DCDC1: variants seen among roughly 807,000 people sequenced by gnomAD.
DCDC1 encodes doublecortin domain containing 1, also known as doublecortin domain-containing protein 1.
DCDC1 carries 200 observed loss-of-function variants against 178.3 expected under a neutral mutation model. That is an observed-to-expected ratio of 1.12 (90% CI 1.00 to 1.26). DCDC1 has a LOEUF of 1.26. DCDC1 is among the 50% of genes most tolerant of loss of function. The pLI is 0.00. For synonymous variants in DCDC1, 690 were observed against 604.8 expected (o/e 1.14, Z -2.07); for missense variants, 1,983 against 1,749.2 (o/e 1.13, Z -2.38).
Position 30,952,496 on chromosome 11 carries a change from C to A in DCDC1, c.2664G>T (p.Trp888Cys). 6.3e-7 allele frequency: 1 copy of A among 1,586,604 alleles called. No homozygotes were observed. The highest frequency in any genetic ancestry group is 8.5e-7 in the Non-Finnish European group (1 of 1,171,094). ...CAGGCCACATGTAGGTAAGCTTGTT[C>A]CATAGAGGATTTTCAACTCTAGAAT... ...WKHSRVENPLWNKLTYMWPVL... is the reference protein window; with the variant it reads ...WKHSRVENPLCNKLTYMWPVL... The change falls in exon 21 of 39, where the codon TGG becomes TGT. Residue 888 changes from tryptophan (W) to cysteine (C), a missense_variant. Physicochemically the swap from Trp to Cys is radical, Grantham distance 215 (BLOSUM62 -2). Coordinates refer to ENST00000684477, the MANE Select transcript of DCDC1 (RefSeq NM_001387274.1).
At chr11:31,026,642 G>A (rs555398159) in intron 20 of DCDC1, among the ~76,000 whole-genome samples, 6 of 151,762 alleles carry the variant, frequency 4.0e-5, no homozygotes, top group East Asian at 1.9e-4. Flanking sequence ...TGGCTGTCTC[G>A]TCATAACTAC....
intron 17 of DCDC1, among the ~76,000 whole-genome samples, chr11:31,086,926 A>C (rs1272451934): frequency 6.6e-6 from 1 of 152,034 alleles, no homozygotes; most frequent in Non-Finnish European, 1.5e-5. Flanking sequence ...ATTCCTTCTT[A>C]TTTCTTTTCT....
At chr11:31,251,946 G>A (rs1335301907) in intron 8 of DCDC1, among the ~76,000 whole-genome samples, 1 of 152,042 alleles carries the variant, frequency 6.6e-6, no homozygotes, top group Non-Finnish European at 1.5e-5. Flanking sequence ...TGGGAATGAA[G>A]AAACCAAATC....
At chr11:31,220,724 C>T (rs1974170260) in intron 9 of DCDC1, among the ~76,000 whole-genome samples, 1 of 152,202 alleles carries the variant, frequency 6.6e-6, no homozygotes, top group Non-Finnish European at 1.5e-5. Flanking sequence ...CAAGAAGACT[C>T]TATTAGTCAG....
intron 2 of DCDC1, among the ~76,000 whole-genome samples, chr11:31,329,505 G>A (rs1331995021): frequency 6.6e-6 from 1 of 151,988 alleles, no homozygotes; most frequent in Non-Finnish European, 1.5e-5. Flanking sequence ...CCATTAACTT[G>A]TCATTTACAT....
At chr11:31,158,319 A>G (rs576666318) in intron 9 of DCDC1, among the ~76,000 whole-genome samples, 134 of 151,148 alleles carry the variant, frequency 8.9e-4, no homozygotes, top group African/African-American at 3.1e-3. Flanking sequence ...GGGTTTCACC[A>G]TGTTAGCCAG....
chr11:30,965,707 T>C (rs1441151751), intron 20 of DCDC1, among the ~76,000 whole-genome samples: 1 of 144,170 alleles, frequency 6.9e-6, no homozygotes, highest in Non-Finnish European at 1.5e-5. Flanking sequence ...GCCACTAACG[T>C]GTCATCTAGC....
intron 20 of DCDC1, among the ~76,000 whole-genome samples, chr11:30,958,330 C>T (rs200420330): frequency 4.2e-4 from 64 of 152,228 alleles, no homozygotes; most frequent in East Asian, 1.9e-3. Flanking sequence ...AAGAGGTTCT[C>T]AACAACCAAG....
chr11:30,920,366 G>C (rs144673486), intron 25 of DCDC1, among the ~76,000 whole-genome samples: 2 of 152,160 alleles, frequency 1.3e-5, no homozygotes, highest in East Asian at 3.9e-4. Context: ...AAGATATTAC[G>C]GCAATAGAGA....
intron 12 of DCDC1, among the ~76,000 whole-genome samples, chr11:31,108,411 C>G (rs1405936648): frequency 1.3e-5 from 2 of 152,160 alleles, no homozygotes; most frequent in Non-Finnish European, 2.9e-5. Context: ...GATTGTATTT[C>G]TAAAGCCCTA....
intron 9 of DCDC1, among the ~76,000 whole-genome samples, chr11:31,208,919 T>A (rs114391412): frequency 2.0e-5 from 3 of 152,344 alleles, no homozygotes; most frequent in African/African-American, 7.2e-5. Context: ...CTTGATAGCA[T>A]CCAACAGCAC....
At chr11:31,281,763 G>A (rs1332399401) in intron 7 of DCDC1, among the ~76,000 whole-genome samples, 1 of 152,108 alleles carries the variant, frequency 6.6e-6, no homozygotes, top group Non-Finnish European at 1.5e-5. Context: ...TGTTTCGCTT[G>A]GCTTTCGTTC....
Position 30,911,383 on chromosome 11 carries a change from C to G in DCDC1, c.3691G>C (p.Ala1231Pro). The G allele has an allele frequency of 3.7e-6, 6 of 1,604,948 alleles. No individual in the cohort carries two copies. Among genetic ancestry groups the G allele is most frequent in the Non-Finnish European group, 5.1e-6 (6 of 1,175,626 alleles). Residue 1231 changes from alanine to proline, a missense_variant, in exon 28 of 39, where the codon GCA (alanine) becomes CCA (proline). By Grantham distance (27) the Ala-to-Pro change is conservative. Transcript: ENST00000684477. ...HLVSNPDLVLAVSMTKTRNEV... is the reference protein window; with the variant it reads ...HLVSNPDLVLPVSMTKTRNEV... Reference sequence around the variant, plus strand: ...TTTCTAGTCTTGGTCATAGACACTGCCAGCACAAGGTCAGGGTTACTCACA... The same window carrying G: ...TTTCTAGTCTTGGTCATAGACACTGGCAGCACAAGGTCAGGGTTACTCACA...
At chr11:31,181,240 A>T (rs1267763584) in intron 9 of DCDC1, among the ~76,000 whole-genome samples, 1 of 152,146 alleles carries the variant, frequency 6.6e-6, no homozygotes, top group Non-Finnish European at 1.5e-5. Context: ...TAAAACTCCC[A>T]TTTCCATGGG....
chr11:31,185,496 G>A (rs1226837377), intron 9 of DCDC1, among the ~76,000 whole-genome samples: 1 of 152,138 alleles, frequency 6.6e-6, no homozygotes, highest in East Asian at 1.9e-4. Context: ...TAGAGTCAGT[G>A]GAGAAATACT....
At chr11:30,948,638 T>C (rs550284292) in intron 21 of DCDC1, among the ~76,000 whole-genome samples, 7 of 152,302 alleles carry the variant, frequency 4.6e-5, no homozygotes, top group Admixed American at 6.5e-5. Context: ...AACAGCATGG[T>C]ACTGCTACAA....
intron 20 of DCDC1, among the ~76,000 whole-genome samples, chr11:31,045,395 CTTT>C (rs10680628): frequency 7.0e-6 from 1 of 143,432 alleles, no homozygotes. Context: ...TTTCTTTTTC[CTTT>C]TTTTTTTTTA....
chr11:31,185,911 A>G (rs973799663), intron 9 of DCDC1, among the ~76,000 whole-genome samples: 5 of 152,226 alleles, frequency 3.3e-5, no homozygotes, highest in Non-Finnish European at 7.3e-5. Flanking sequence ...TTAAATAAGT[A>G]TATCAAACAT....
At chr11:31,294,499 C>T (rs1270189519) in intron 6 of DCDC1, among the ~76,000 whole-genome samples, 4 of 149,322 alleles carry the variant, frequency 2.7e-5, no homozygotes, top group East Asian at 2.0e-4. Context: ...AGGAGAATTG[C>T]TTGAACTCGG....
Sources: gnomAD v4.1 joint callset for allele counts (sites outside exome capture counted in the v4.1 genomes callset) on GRCh38, gnomAD v4.1.1 for gene constraint, MANE v1.5 for transcripts, NCBI Gene and HGNC (gene_info 2026-07-23, HGNC 2026-07-21) for gene names.